EML1: variants seen among roughly 807,000 people sequenced by gnomAD.
EML1 encodes the protein EMAP like 1, also known as echinoderm microtubule-associated protein-like 1.
Under a neutral mutation model 110.4 loss-of-function variants are expected in EML1, and 27 were observed. The observed-to-expected ratio is 0.24, with a 90% CI of 0.18 to 0.34. EML1 has a LOEUF of 0.34. Ranked by LOEUF, EML1 falls within the 10% of genes least tolerant of loss-of-function variation. The pLI is 1.00. For missense variants in EML1, 741 were observed against 1,030.9 expected (o/e 0.72, Z 3.85); for synonymous variants, 344 against 385.8 (o/e 0.89, Z 1.27).
chr14:99,913,477 T>G (rs1190383554), intron 13 of EML1, among the ~76,000 whole-genome samples: 1 of 152,104 alleles, frequency 6.6e-6, no homozygotes, highest in Non-Finnish European at 1.5e-5. Flanking sequence ...ACACCTGGCC[T>G]ATATTCTTTA....
At chr14:99,845,414 A>C (rs2058691989) in intron 1 of EML1, among the ~76,000 whole-genome samples, 1 of 152,144 alleles carries the variant, frequency 6.6e-6, no homozygotes, top group South Asian at 2.1e-4. Flanking sequence ...TATATTTCTC[A>C]TTCAATAGAG....
chr14:99,936,446 C>A lies in EML1; in HGVS notation c.2095+112C>A. The A allele has an allele frequency of 3.2e-6, 3 of 945,998 alleles. No individual in the cohort carries two copies. Among genetic ancestry groups the A allele is most frequent in the Non-Finnish European group, 4.9e-6 (3 of 611,862 alleles). The allele number at this position is 945,998 out of a possible 1,614,324, so 58.6% of individuals were successfully genotyped here. ...CCTGTATGACTTAGGCACGTGCCAT[C>A]ATCTCTAGGTCATGGTTTCCGCCTC... is the stretch of plus-strand genomic sequence containing the variant. On this transcript the variant is annotated intron_variant, in intron 19 of 21. Transcript: ENST00000262233. This position sits in a 1 kb window ranked among gnomAD's most constrained non-coding sequence, Gnocchi z 5.5.
intron 1 of EML1, among the ~76,000 whole-genome samples, chr14:99,795,475 T>A (rs1160340463): frequency 1.3e-5 from 2 of 152,232 alleles, no homozygotes; most frequent in Non-Finnish European, 2.9e-5. Flanking sequence ...TTTTTTAGGT[T>A]GTCTAATGAA....
At chr14:99,753,714 G>A (rs1178767040) in intron 1 of EML1, among the ~76,000 whole-genome samples, 1 of 152,200 alleles carries the variant, frequency 6.6e-6, no homozygotes, top group Non-Finnish European at 1.5e-5. Context: ...CACATAGTAG[G>A]TGCTCAGTGG....
chr14:99,859,642 C>T (rs1030626080), intron 2 of EML1, among the ~76,000 whole-genome samples: 5 of 152,106 alleles, frequency 3.3e-5, no homozygotes, highest in Non-Finnish European at 5.9e-5. Context: ...GTTCCTTCCC[C>T]TCCTCTCCAC....
At chr14:99,740,766 G>T (rs1296543138) in intron 1 of EML1, among the ~76,000 whole-genome samples, 1 of 152,176 alleles carries the variant, frequency 6.6e-6, no homozygotes, top group African/African-American at 2.4e-5. Context: ...TTTAAAATGG[G>T]GGGTTCGTCA....
At chr14:99,865,362 TA>T in intron 2 of EML1, 151 bp from the exon 3 acceptor site, 1 of 921,070 alleles carries the variant, frequency 1.1e-6, no homozygotes, top group Non-Finnish European at 1.6e-6. Context: ...GTAGCAACCG[TA>T]AATAGAGATG....
At chr14:99,809,163 G>A (rs942596161) in intron 1 of EML1, among the ~76,000 whole-genome samples, 4 of 152,054 alleles carry the variant, frequency 2.6e-5, no homozygotes, top group South Asian at 4.1e-4. Context: ...TGCAAATTTT[G>A]TTATTTTTTT....
chr14:99,936,349 G>C lies in EML1; in HGVS notation c.2095+15G>C, dbSNP rs369237727. The C allele has an allele frequency of 3.7e-6, 6 of 1,608,904 alleles. No homozygotes were observed. The highest frequency in any genetic ancestry group is 2.0e-4 in the Middle Eastern group (1 of 4,970). The stretch of plus-strand genomic sequence containing the variant: ...AATCCTCTACTGTGAGTACCACCCC[G>C]GGGTTGTATGAAGTCTCGATCTCAG... On this transcript the variant is annotated intron_variant, in intron 19 of 21. Coordinates refer to ENST00000262233, the MANE Select transcript of EML1 (RefSeq NM_004434.3). This position sits in a 1 kb window ranked among gnomAD's most constrained non-coding sequence, Gnocchi z 5.5.
In EML1 at chr14:99,932,959, A is replaced by C. The variant is rs1258891457; in HGVS notation, c.1910-3070A>C. 4.6e-5 allele frequency among the ~76,000 whole-genome samples: 7 copies of C among 152,184 alleles called. No individual in the cohort carries two copies. The East Asian group carries it at 1.4e-3, about 30-fold the overall frequency. The stretch of plus-strand genomic sequence containing the variant: ...AGTGAGACCCCCGTCTCAACAAAAA[A>C]ATAAAAAAATTAGCTGGGCATAGTA... On this transcript the variant is annotated intron_variant, in intron 17 of 21. Coordinates refer to ENST00000262233, the MANE Select transcript of EML1 (RefSeq NM_004434.3).
rs780402565 is a variant in EML1 at position 99,850,924 on chromosome 14, A to G, written c.139A>G (p.Met47Val). The G allele has an allele frequency of 1.2e-6, 2 of 1,614,200 alleles. No individual in the cohort carries two copies. Among genetic ancestry groups the G allele is most frequent in the Non-Finnish European group, 8.5e-7 (1 of 1,180,038 alleles). ...RIASLEQRVQMQEDDIQLLKS... is the reference protein window; with the variant it reads ...RIASLEQRVQVQEDDIQLLKS... ...TGCTTCACTGGAGCAGAGAGTCCAG[A>G]TGCAAGAAGACGACATCCAGCTGCT... Residue 47 changes from methionine (M) to valine (V), a missense_variant, in exon 2 of 22, where the codon ATG (methionine) becomes GTG (valine). By Grantham distance (21) the Met-to-Val change is conservative. This residue lies in a region of EML1 where 226 missense variants were observed against 255.6 expected (regional missense o/e 0.88). Coordinates refer to ENST00000262233, the MANE Select transcript of EML1 (RefSeq NM_004434.3).
At chr14:99,739,416 TA>T (rs1437417019) in intron 1 of EML1, among the ~76,000 whole-genome samples, 1 of 152,154 alleles carries the variant, frequency 6.6e-6, no homozygotes, top group Non-Finnish European at 1.5e-5. Flanking sequence ...GGACAATATT[TA>T]GCCCGTCGGA....
intron 1 of EML1, among the ~76,000 whole-genome samples, chr14:99,828,351 AC>A (rs1386009150): frequency 1.3e-5 from 2 of 152,132 alleles, no homozygotes; most frequent in Admixed American, 1.3e-4. Flanking sequence ...TGTCCCATGC[AC>A]CCACACTGTA....
chr14:99,828,621 A>C (rs2139767539), intron 1 of EML1, among the ~76,000 whole-genome samples: 1 of 152,288 alleles, frequency 6.6e-6, no homozygotes, highest in African/African-American at 2.4e-5. Context: ...TTGACCCTTG[A>C]ACAATATAGG....
intron 19 of EML1, among the ~76,000 whole-genome samples, chr14:99,937,296 C>T (rs931705884): frequency 6.6e-6 from 1 of 152,210 alleles, no homozygotes; most frequent in Non-Finnish European, 1.5e-5. Flanking sequence ...GTATGATTTT[C>T]AGGGACAAGC....
chr14:99,815,491 C>T (rs2058152737), intron 1 of EML1, among the ~76,000 whole-genome samples: 1 of 152,030 alleles, frequency 6.6e-6, no homozygotes, highest in Non-Finnish European at 1.5e-5. Flanking sequence ...AATGATATGC[C>T]CCCTTGTTGT....
chr14:99,764,876 T>TA (rs2057352043), intron 1 of EML1, among the ~76,000 whole-genome samples: 1 of 152,234 alleles, frequency 6.6e-6, no homozygotes, highest in Non-Finnish European at 1.5e-5. Context: ...TTGTTTTTTT[T>TA]ACTATAGCAA....
intron 1 of EML1, among the ~76,000 whole-genome samples, chr14:99,804,151 A>G (rs1232925301): frequency 1.3e-5 from 2 of 152,216 alleles, no homozygotes; most frequent in Non-Finnish European, 2.9e-5. Flanking sequence ...TTCCTTGAAA[A>G]TGGCCTTTTA....
intron 1 of EML1, among the ~76,000 whole-genome samples, chr14:99,782,763 G>C (rs1165542046): frequency 1.3e-5 from 2 of 152,112 alleles, no homozygotes; most frequent in African/African-American, 4.8e-5. Context: ...TAGAACACCA[G>C]GATGGAAAAG....
Sources: gnomAD v4.1 joint callset for allele counts (sites outside exome capture counted in the v4.1 genomes callset) on GRCh38, gnomAD v4.1.1 for gene constraint, gnomAD v4.1.1 regional missense constraint, Gnocchi (gnomAD v3.1) non-coding constraint, MANE v1.5 for transcripts, NCBI Gene and HGNC (gene_info 2026-07-23, HGNC 2026-07-21) for gene names.